NOS1: variants seen among roughly 807,000 people sequenced by gnomAD.
NOS1 encodes nitric oxide synthase 1, also known as NOS type I.
Under a neutral mutation model 164.5 loss-of-function variants are expected in NOS1, and 51 were observed. The observed-to-expected ratio is 0.31, with a 90% CI of 0.25 to 0.39. The LOEUF is 0.39. NOS1 is among the 10% of genes least tolerant of loss of function. NOS1 has a pLI of 1.00. For missense variants in NOS1, 1,362 were observed against 1,885.6 expected, an observed-to-expected ratio of 0.72 and a Z score of 5.14; for synonymous variants, 719 against 745.8, an observed-to-expected ratio of 0.96 and a Z score of 0.59.
intron 28 of NOS1, among the ~76,000 whole-genome samples, chr12:117,217,099 G>A (rs1241493454): frequency 1.3e-5 from 2 of 152,066 alleles, no homozygotes; most frequent in Non-Finnish European, 1.5e-5. Context: ...CATGAGACCC[G>A]GGCACAGTCT....
intron 2 of NOS1, among the ~76,000 whole-genome samples, chr12:117,319,665 G>A (rs1279758488): frequency 6.6e-6 from 1 of 152,132 alleles, no homozygotes; most frequent in Non-Finnish European, 1.5e-5. Context: ...ACTTGATTTT[G>A]CCGCAAATTC....
At chr12:117,224,176 T>C (rs937441634) in intron 25 of NOS1, among the ~76,000 whole-genome samples, 2 of 152,268 alleles carry the variant, frequency 1.3e-5, no homozygotes, top group African/African-American at 2.4e-5. Flanking sequence ...GGAAAGGTTT[T>C]CATTTCTATT....
chr12:117,339,968 CT>C (rs933710350), intron 1 of NOS1, among the ~76,000 whole-genome samples: 7 of 152,134 alleles, frequency 4.6e-5, no homozygotes, highest in Non-Finnish European at 8.8e-5. Flanking sequence ...AGGAAGCTTA[CT>C]TTTTATTGTA....
rs762026603 is a variant in NOS1 at position 117,285,336 on chromosome 12, G to A, written c.1291-4C>T. 6.2e-7 allele frequency: 1 copy of A among 1,604,854 alleles called. No homozygotes were observed. Among genetic ancestry groups the A allele is most frequent in the Non-Finnish European group, 8.5e-7 (1 of 1,173,618 alleles). On this transcript the variant is annotated splice_polypyrimidine_tract_variant and splice_region_variant and intron_variant, in intron 6 of 28. Coordinates refer to ENST00000317775, the MANE Select transcript of NOS1 (RefSeq NM_000620.5). ...TGCAGTCACGGGCATCGAATACCTG[G>A]AAGAGGCACAGGGCGGAACTGATTG...
rs1312778618 is a variant in NOS1 at position 117,331,222 on chromosome 12, G to A, written c.-153C>T. On this transcript the variant is annotated 5_prime_UTR_variant, in exon 2 of 29. In the 5' UTR this introduces an upstream ATG that the reference lacks. Coordinates refer to ENST00000317775, the MANE Select transcript of NOS1 (RefSeq NM_000620.5). Reference sequence around the variant, plus strand: ...GGCTTCAGCCCTCTCTGTCTTTGACGTCAGCTCAGCGTCACCCACTCATGG... The same window carrying A: ...GGCTTCAGCCCTCTCTGTCTTTGACATCAGCTCAGCGTCACCCACTCATGG... 9.4e-6 allele frequency: 9 copies of A among 959,944 alleles called. No individual in the cohort carries two copies. Among genetic ancestry groups the A allele is most frequent in the South Asian group, 3.4e-5 (2 of 59,116 alleles). The allele number at this position is 959,944 out of a possible 1,614,324, so 59.5% of individuals were successfully genotyped here. A position where few individuals can be genotyped will look rare whatever the true frequency, so the allele number is the denominator to read the frequency against.
intron 1 of NOS1, among the ~76,000 whole-genome samples, chr12:117,340,229 C>A (rs1435188723): frequency 6.6e-6 from 1 of 152,096 alleles, no homozygotes; most frequent in Non-Finnish European, 1.5e-5. Context: ...GTCTCAAACT[C>A]CCGGCCTCAA....
chr12:117,223,944 G>A (rs904788943), intron 25 of NOS1, among the ~76,000 whole-genome samples: 7 of 152,284 alleles, frequency 4.6e-5, no homozygotes, highest in East Asian at 3.9e-4. Context: ...GTGAGCCACC[G>A]CACCCAGCCA....
intron 17 of NOS1, among the ~76,000 whole-genome samples, chr12:117,252,952 T>A (rs1338694564): frequency 6.6e-6 from 1 of 152,232 alleles, no homozygotes; most frequent in Admixed American, 6.5e-5. Flanking sequence ...TTGACATCCC[T>A]GTTTTCTTTC....
intron 1 of NOS1, among the ~76,000 whole-genome samples, chr12:117,346,723 C>T (rs1376524474): frequency 6.6e-6 from 1 of 152,180 alleles, no homozygotes; most frequent in East Asian, 1.9e-4. Context: ...TATGTGCACA[C>T]TGGAGTTTGA....
chr12:117,263,106 C>G (rs1872075127), intron 13 of NOS1, among the ~76,000 whole-genome samples: 1 of 152,186 alleles, frequency 6.6e-6, no homozygotes, highest in Non-Finnish European at 1.5e-5. Context: ...TTCATGACAG[C>G]AGGGACAGCA....
intron 3 of NOS1, chr12:117,302,086 C>A (rs1445255833): frequency 2.2e-6 from 1 of 456,658 alleles, no homozygotes; most frequent in East Asian, 7.0e-5. Flanking sequence ...AAAATGGAGA[C>A]AATCACAGTA....
chr12:117,231,828 A>T (rs1006466261), intron 22 of NOS1, 134 bp downstream of exon 22: 1 of 953,502 alleles, frequency 1.0e-6, no homozygotes, highest in East Asian at 2.6e-5. Context: ...CCAATATGGC[A>T]ATCTACAGCA....
At chr12:117,290,231 TC>T in intron 4 of NOS1, 66 bp downstream of exon 4, 2 of 1,582,808 alleles carry the variant, frequency 1.3e-6, no homozygotes, top group Non-Finnish European at 8.6e-7. Context: ...CAAAGACTTA[TC>T]CGACTCCAAA....
chr12:117,282,217 A>G (rs956374285), intron 7 of NOS1, among the ~76,000 whole-genome samples: 5 of 142,818 alleles, frequency 3.5e-5, no homozygotes, highest in African/African-American at 5.3e-5. Context: ...TCAGGATTGG[A>G]AAAAAAAAAA....
At chr12:117,310,824 T>A (rs9658306) in intron 3 of NOS1, among the ~76,000 whole-genome samples, 39,407 of 149,330 alleles carry the variant, frequency 0.26, 5,569 homozygotes, top group Admixed American at 0.32. Flanking sequence ...TAAAAAAAAA[T>A]TTTTTTTTTA....
At chr12:117,220,038 T>G in intron 27 of NOS1, 37 bp downstream of exon 27, 4 of 1,566,124 alleles carry the variant, frequency 2.6e-6, no homozygotes, top group Non-Finnish European at 2.6e-6. Context: ...AGAGTGGATG[T>G]AGGAAAAGGG....
intron 3 of NOS1, chr12:117,302,201 G>A: frequency 2.4e-6 from 1 of 410,944 alleles, no homozygotes; most frequent in Non-Finnish European, 4.9e-6. Flanking sequence ...TGTTATGGTT[G>A]ACATCATTAT....
intron 1 of NOS1, among the ~76,000 whole-genome samples, chr12:117,353,500 T>C (rs1011870695): frequency 3.3e-5 from 5 of 152,222 alleles, no homozygotes; most frequent in Non-Finnish European, 7.3e-5. Context: ...AAATTAACTA[T>C]ATACTGTACT....
rs752034169 is a variant in NOS1, at chr12:117,217,609, GCA to G, written c.4289+435_4289+436del. ...AGTCCTAGCTACTTGGGAGGCTGAG[GCA>G]CGAGAATTGCTTGAGCCTAGGAGGT... is the stretch of plus-strand genomic sequence containing the variant. On this transcript the variant is annotated intron_variant, in intron 28 of 28. Transcript: ENST00000317775. Among the ~76,000 whole-genome samples, 4 of 152,130 alleles carry G rather than the reference GCA, an allele frequency of 2.6e-5. No homozygotes were observed. In the East Asian group the frequency reaches 5.8e-4, roughly 22 times the overall value.
Sources: gnomAD v4.1 joint callset for allele counts (sites outside exome capture counted in the v4.1 genomes callset) on GRCh38, gnomAD v4.1.1 for gene constraint, MANE v1.5 for transcripts, NCBI Gene and HGNC (gene_info 2026-07-23, HGNC 2026-07-21) for gene names.